DOCK4: variants seen among roughly 807,000 people sequenced by gnomAD.
DOCK4 encodes dedicator of cytokinesis 4.
Under a neutral mutation model 268.1 loss-of-function variants are expected in DOCK4, and 97 were observed. That is an observed-to-expected ratio of 0.36 (90% CI 0.31 to 0.43). DOCK4 has a LOEUF of 0.43. Ranked by LOEUF, DOCK4 falls within the 20% of genes least tolerant of loss-of-function variation. DOCK4 has a pLI of 1.00. For synonymous variants in DOCK4, 954 were observed against 887.2 expected (o/e 1.08, Z -1.34); for missense variants, 2,145 against 2,455.7 (o/e 0.87, Z 2.67).
At chr7:111,987,812 C>T (rs1799171047) in intron 6 of DOCK4, among the ~76,000 whole-genome samples, 1 of 152,214 alleles carries the variant, frequency 6.6e-6, no homozygotes, top group African/African-American at 2.4e-5. Flanking sequence ...TGCCCCTCCA[C>T]ATTTGTACCT....
At chr7:112,197,484 A>G (rs574163277) in intron 1 of DOCK4, among the ~76,000 whole-genome samples, 2 of 152,326 alleles carry the variant, frequency 1.3e-5, no homozygotes, top group African/African-American at 4.8e-5. Flanking sequence ...ACAATCTGGC[A>G]TGAAATATTT....
chr7:112,067,379 A>ATGGC (rs1430256471), intron 1 of DOCK4, among the ~76,000 whole-genome samples: 1 of 152,108 alleles, frequency 6.6e-6, no homozygotes, highest in Non-Finnish European at 1.5e-5. Context: ...TTCTTTCTGG[A>ATGGC]TGGCTGGCCA....
At chr7:111,942,606 CGGTCACCTGCTTTGACCTGAGTCACCCT>C (rs1164343771) in intron 10 of DOCK4, among the ~76,000 whole-genome samples, 3 of 151,956 alleles carry the variant, frequency 2.0e-5, no homozygotes, top group Non-Finnish European at 2.9e-5. Context: ...TGACTCATCC[CGGTCACCTGCTTTGACCTGAGTCACCCT>C]GGTCACCTGC....
chr7:111,982,439 A>G (rs979432652), intron 7 of DOCK4, among the ~76,000 whole-genome samples: 1 of 152,238 alleles, frequency 6.6e-6, no homozygotes, highest in Non-Finnish European at 1.5e-5. Flanking sequence ...GTAGATGAAT[A>G]AAGATAAGAA....
chr7:111,760,081 A>C (rs1465077339), intron 40 of DOCK4, 100 bp downstream of exon 40: 2 of 1,456,522 alleles, frequency 1.4e-6, no homozygotes, highest in Non-Finnish European at 1.9e-6. Context: ...CGATGTGGCT[A>C]TTGAAAAGGG....
rs1455254716 is a variant in DOCK4 at position 111,727,314 on chromosome 7, A to ATAAG, written c.*956_*959dup. 4 of 152,618 alleles carry ATAAG rather than the reference A, an allele frequency of 2.6e-5. No individual in the cohort carries two copies. The highest frequency in any genetic ancestry group is 9.6e-5 in the African/African-American group (4 of 41,452). The allele number at this position is 152,618 out of a possible 1,614,324, so 9.5% of individuals were successfully genotyped here. A position where few individuals can be genotyped will look rare whatever the true frequency, so the allele number is the denominator to read the frequency against. On this transcript the variant is annotated 3_prime_UTR_variant, in exon 53 of 53. Transcript: ENST00000428084. ...CTGAAAGTTAATGCCCTTGCCTTTT[A>ATAAG]TAAGTCCTTTTGCCATTTAATCGTG...
intron 13 of DOCK4, among the ~76,000 whole-genome samples, chr7:111,913,986 A>G (rs908950965): frequency 6.6e-6 from 1 of 152,166 alleles, no homozygotes; most frequent in African/African-American, 2.4e-5. Context: ...GGTACTTGCT[A>G]TTAGTGCAGT....
chr7:111,768,277 A>C (rs1022591358), intron 37 of DOCK4, among the ~76,000 whole-genome samples: 1 of 152,178 alleles, frequency 6.6e-6, no homozygotes, highest in Non-Finnish European at 1.5e-5. Context: ...GAATTCAGAG[A>C]GTTTGCACCA....
At chr7:112,067,930 G>A (rs375536604) in intron 1 of DOCK4, among the ~76,000 whole-genome samples, 63 of 152,314 alleles carry the variant, frequency 4.1e-4, no homozygotes, top group African/African-American at 1.4e-3. Context: ...AACTTAGACT[G>A]CAGGGCGACT....
chr7:112,052,270 CTGTA>C (rs1805427615), intron 1 of DOCK4, among the ~76,000 whole-genome samples: 3 of 152,058 alleles, frequency 2.0e-5, no homozygotes, highest in Non-Finnish European at 2.9e-5. Context: ...AGAATGTTGA[CTGTA>C]TGTGTGTGTG....
At chr7:111,746,242 C>T (rs1253645661) in intron 44 of DOCK4, 92 bp downstream of exon 44, 2 of 986,018 alleles carry the variant, frequency 2.0e-6, no homozygotes, top group Non-Finnish European at 3.1e-6. Flanking sequence ...TTCTGTTAGA[C>T]CACTGATGCA....
At chr7:112,111,807 C>T (rs1456167879) in intron 1 of DOCK4, among the ~76,000 whole-genome samples, 1 of 152,146 alleles carries the variant, frequency 6.6e-6, no homozygotes, top group Non-Finnish European at 1.5e-5. Flanking sequence ...CAGACTTCTT[C>T]ATTCATGTAA....
chr7:111,976,272 TATATATATATATATATA>T (rs1562954399), intron 8 of DOCK4, among the ~76,000 whole-genome samples: 22 of 1,918 alleles, frequency 0.011, 1 homozygote, highest in African/African-American at 0.019. Flanking sequence ...GTGTCTATTA[TATATATATATATATATA>T]TATATATATA....
intron 1 of DOCK4, among the ~76,000 whole-genome samples, chr7:112,134,208 T>C (rs1814092386): frequency 6.6e-6 from 1 of 152,052 alleles, no homozygotes; most frequent in African/African-American, 2.4e-5. Context: ...AGGGTGGAGC[T>C]TTCACTACAA....
intron 44 of DOCK4, among the ~76,000 whole-genome samples, chr7:111,743,631 G>A (rs528204903): frequency 3.9e-5 from 6 of 152,300 alleles, no homozygotes; most frequent in African/African-American, 1.4e-4. Context: ...AATGTTGCAA[G>A]TTGGGTTCTC....
chr7:112,049,049 A>G (rs1805115191), intron 1 of DOCK4, among the ~76,000 whole-genome samples: 1 of 152,242 alleles, frequency 6.6e-6, no homozygotes, highest in Non-Finnish European at 1.5e-5. Context: ...TAGTGAAGGA[A>G]GCCCTTCAGG....
At chr7:111,909,297 C>T (rs867088804) in intron 13 of DOCK4, among the ~76,000 whole-genome samples, 58 of 152,252 alleles carry the variant, frequency 3.8e-4, no homozygotes, top group Admixed American at 3.4e-3. Flanking sequence ...GTTTCTTGGC[C>T]GCATAACTGT....
intron 8 of DOCK4, among the ~76,000 whole-genome samples, chr7:111,949,081 C>T (rs1009732396): frequency 1.3e-5 from 2 of 152,114 alleles, no homozygotes; most frequent in South Asian, 2.1e-4. Flanking sequence ...TTATTGATTA[C>T]ATTTTAGCAC....
intron 48 of DOCK4, 23 bp downstream of exon 48, chr7:111,739,373 C>G: frequency 6.3e-7 from 1 of 1,593,792 alleles, no homozygotes; most frequent in Admixed American, 1.8e-5. Context: ...CACCCTCAGT[C>G]TTCCCCACAC....
Sources: gnomAD v4.1 joint callset for allele counts (sites outside exome capture counted in the v4.1 genomes callset) on GRCh38, gnomAD v4.1.1 for gene constraint, MANE v1.5 for transcripts, NCBI Gene and HGNC (gene_info 2026-07-23, HGNC 2026-07-21) for gene names.